The following SLC10A7 variants were observed in gnomAD, a reference collection of about 807,000 sequenced individuals.
SLC10A7 encodes solute carrier family 10 member 7.
SLC10A7 carries 29 observed loss-of-function variants against 43.2 expected under a neutral mutation model. The ratio of observed to expected loss-of-function variants is 0.67; its 90% CI spans 0.50 to 0.92. The LOEUF (loss-of-function observed/expected upper bound fraction) is 0.92, where lower values mean the gene tolerates loss of function less well. SLC10A7 is among the 40% of genes least tolerant of loss of function. SLC10A7 has a pLI of 0.00. For missense variants in SLC10A7, 295 were observed against 403.2 expected (o/e 0.73, Z 2.30); for synonymous variants, 152 against 144.8 (o/e 1.05, Z -0.35).
At chr4:146,274,036 A>G (rs1729058132) in intron 10 of SLC10A7, among the ~76,000 whole-genome samples, 1 of 152,102 alleles carries the variant, frequency 6.6e-6, no homozygotes, top group Non-Finnish European at 1.5e-5. Flanking sequence ...AGGGATTTAT[A>G]TAAGGATAAC....
At chr4:146,387,312 A>G (rs551613135) in intron 5 of SLC10A7, among the ~76,000 whole-genome samples, 5 of 152,380 alleles carry the variant, frequency 3.3e-5, no homozygotes, top group African/African-American at 1.2e-4. Flanking sequence ...GGATGGTTCA[A>G]CATATGCAAA....
At chr4:146,324,528 A>G (rs560202554) in intron 6 of SLC10A7, among the ~76,000 whole-genome samples, 1 of 152,286 alleles carries the variant, frequency 6.6e-6, no homozygotes, top group East Asian at 1.9e-4. Flanking sequence ...TCTCTCTTCC[A>G]TAATGAAGAA....
chr4:146,357,421 A>T (rs1262824489), intron 5 of SLC10A7, among the ~76,000 whole-genome samples: 1 of 152,144 alleles, frequency 6.6e-6, no homozygotes, highest in Non-Finnish European at 1.5e-5. Context: ...GAACAAAAAA[A>T]CCCTGCAGCA....
At chr4:146,397,690 G>A (rs944721127) in intron 5 of SLC10A7, among the ~76,000 whole-genome samples, 2 of 152,128 alleles carry the variant, frequency 1.3e-5, no homozygotes, top group African/African-American at 4.8e-5. Flanking sequence ...TCACACTGAA[G>A]CAGTGTTGAA....
intron 6 of SLC10A7, 94 bp from the exon 7 acceptor site, chr4:146,306,103 G>T: frequency 5.0e-6 from 5 of 1,005,544 alleles, no homozygotes; most frequent in Non-Finnish European, 6.7e-6. Context: ...TTTCTCAGGC[G>T]CACCAAAAAT....
At chr4:146,317,070 C>T (rs1161166412) in intron 6 of SLC10A7, among the ~76,000 whole-genome samples, 1 of 152,058 alleles carries the variant, frequency 6.6e-6, no homozygotes, top group Non-Finnish European at 1.5e-5. Context: ...GAATTTTATA[C>T]CTTTTCATCA....
chr4:146,517,172 T>C (rs1274550338), intron 1 of SLC10A7, 52 bp from the exon 2 acceptor site: 1 of 1,440,416 alleles, frequency 6.9e-7, no homozygotes, highest in African/African-American at 1.4e-5. Flanking sequence ...GTAGATAACT[T>C]GGCACAAAAG....
intron 5 of SLC10A7, among the ~76,000 whole-genome samples, chr4:146,358,196 T>C (rs182999137): frequency 1.8e-3 from 269 of 152,170 alleles, no homozygotes; most frequent in African/African-American, 6.3e-3. Flanking sequence ...CCCCCATGTA[T>C]CTGATTCTAC....
At chr4:146,404,212 G>A (rs1310764812) in intron 5 of SLC10A7, among the ~76,000 whole-genome samples, 1 of 151,966 alleles carries the variant, frequency 6.6e-6, no homozygotes, top group Non-Finnish European at 1.5e-5. Context: ...TAAAGACGGG[G>A]TCTCCCTGGG....
intron 7 of SLC10A7, among the ~76,000 whole-genome samples, chr4:146,300,804 G>T (rs1307170131): frequency 6.6e-6 from 1 of 152,016 alleles, no homozygotes; most frequent in East Asian, 1.9e-4. Flanking sequence ...TGTTTTTCAG[G>T]TGATGACTAG....
At position 146,445,766 on chromosome 4, in the gene SLC10A7, T is replaced by G. The variant is rs2149898267; in HGVS notation, c.397-2945A>C. ...AAAGGGAGCTGGAAACGGGGTGGAA[T>G]GGGACGAAAATCTTCCGCGGGAGTC... is the stretch of plus-strand genomic sequence containing the variant. On this transcript the variant is annotated intron_variant, in intron 4 of 11. Transcript: ENST00000335472. Among the ~76,000 whole-genome samples, 4 of 152,186 alleles carry G rather than the reference T, an allele frequency of 2.6e-5. No individual in the cohort carries two copies. The South Asian group carries it at 8.3e-4, about 32-fold the overall frequency.
chr4:146,513,122 T>G (rs1737632551), intron 2 of SLC10A7, among the ~76,000 whole-genome samples: 1 of 151,928 alleles, frequency 6.6e-6, no homozygotes, highest in South Asian at 2.1e-4. Flanking sequence ...AGAAGAAAAC[T>G]GGATAGTTGG....
chr4:146,294,825 G>A (rs1417183860), intron 7 of SLC10A7, among the ~76,000 whole-genome samples: 2 of 152,124 alleles, frequency 1.3e-5, no homozygotes, highest in Non-Finnish European at 2.9e-5. Context: ...TTTAAAATCA[G>A]GTCATCTGAA....
At chr4:146,392,067 A>G (rs142198638) in intron 5 of SLC10A7, among the ~76,000 whole-genome samples, 15 of 152,320 alleles carry the variant, frequency 9.8e-5, no homozygotes, top group African/African-American at 3.6e-4. Context: ...TGGAGATACG[A>G]CTTGTCTGCA....
rs182122713 is a variant in SLC10A7 at position 146,371,460 on chromosome 4, G to C, written c.436-45464C>G. Among the ~76,000 whole-genome samples the C allele has an allele frequency of 2.0e-5, 3 of 152,318 alleles. No homozygotes were observed. The East Asian group carries it at 5.8e-4, about 29-fold the overall frequency. ...AAATAAATGGTAGAGTTGATGCTGG[G>C]CCTTGTGGAACAAGTAGGATTTTAG... On this transcript the variant is annotated intron_variant, in intron 5 of 11. Transcript: ENST00000335472.
At chr4:146,280,013 C>G (rs1456362343) in intron 10 of SLC10A7, among the ~76,000 whole-genome samples, 1 of 152,040 alleles carries the variant, frequency 6.6e-6, no homozygotes, top group Non-Finnish European at 1.5e-5. Context: ...TAAGAGAATA[C>G]TCAGAAAGCT....
chr4:146,418,118 G>C (rs1241553402), intron 5 of SLC10A7, among the ~76,000 whole-genome samples: 1 of 152,112 alleles, frequency 6.6e-6, no homozygotes, highest in African/African-American at 2.4e-5. Flanking sequence ...CTGAAATGAT[G>C]CTCCAGGGAC....
At chr4:146,447,054 A>ATCCAC (rs1383537968) in intron 4 of SLC10A7, among the ~76,000 whole-genome samples, 1 of 152,100 alleles carries the variant, frequency 6.6e-6, no homozygotes, top group Non-Finnish European at 1.5e-5. Flanking sequence ...TCAGACTCCC[A>ATCCAC]TCCACCCCAT....
chr4:146,330,861 T>G (rs1430450942), intron 5 of SLC10A7, among the ~76,000 whole-genome samples: 1 of 152,066 alleles, frequency 6.6e-6, no homozygotes, highest in South Asian at 2.1e-4. Flanking sequence ...TGAAGCTTTC[T>G]CATGAAGAGA....
Sources: allele counts gnomAD v4.1 joint callset (sites outside exome capture counted in the v4.1 genomes callset), GRCh38; gene constraint gnomAD v4.1.1; transcripts MANE v1.5; gene names NCBI Gene and HGNC (gene_info 2026-07-23, HGNC 2026-07-21).